The following LAMA2 variants were observed in gnomAD, a reference collection of about 807,000 sequenced individuals.
LAMA2 encodes the protein laminin subunit alpha-2.
LAMA2 carries 269 observed loss-of-function variants against 364.8 expected under a neutral mutation model. The ratio of observed to expected loss-of-function variants is 0.74; its 90% CI spans 0.67 to 0.82. LAMA2 has a LOEUF of 0.82. Among genes scored for constraint, LAMA2 ranks in the 40% least tolerant of loss-of-function variants. The probability of loss-of-function intolerance (pLI) is 0.00; values close to 1 mark genes in which losing one functional copy is unlikely to be tolerated. For missense variants in LAMA2, 3,807 were observed against 3,873.2 expected (o/e 0.98, Z 0.45); for synonymous variants, 1,379 against 1,370.6 (o/e 1.01, Z -0.14).
At chr6:129,412,844 C>G (rs1479990479) in intron 40 of LAMA2, among the ~76,000 whole-genome samples, 1 of 152,212 alleles carries the variant, frequency 6.6e-6, no homozygotes, top group Non-Finnish European at 1.5e-5. Flanking sequence ...TGGACCACGT[C>G]TGGTCTGAGT....
At chr6:129,148,451 T>C (rs1261458368) in intron 6 of LAMA2, among the ~76,000 whole-genome samples, 1 of 152,000 alleles carries the variant, frequency 6.6e-6, no homozygotes, top group Non-Finnish European at 1.5e-5. Context: ...TTTCCCAGGC[T>C]TTAAAAGTCC....
intron 34 of LAMA2, among the ~76,000 whole-genome samples, chr6:129,375,827 A>G (rs534851713): frequency 9.8e-5 from 15 of 152,294 alleles, no homozygotes; most frequent in African/African-American, 3.6e-4. Context: ...ATCTCAAACT[A>G]AACTCATCAT....
intron 3 of LAMA2, among the ~76,000 whole-genome samples, chr6:129,077,750 T>C (rs1773752644): frequency 6.6e-6 from 1 of 152,224 alleles, no homozygotes; most frequent in Non-Finnish European, 1.5e-5. Context: ...ATATTACCTT[T>C]CGATATGTCA....
intron 12 of LAMA2, among the ~76,000 whole-genome samples, chr6:129,233,151 A>C (rs946386885): frequency 6.6e-6 from 1 of 152,180 alleles, no homozygotes; most frequent in African/African-American, 2.4e-5. Context: ...CCCATATTGG[A>C]ATATTCGCCT....
chr6:129,460,391 T>C, intron 49 of LAMA2, 67 bp downstream of exon 49: 1 of 1,458,850 alleles, frequency 6.9e-7, no homozygotes, highest in South Asian at 1.1e-5. Context: ...TTTTATTGCA[T>C]AATATTCTAT....
intron 1 of LAMA2, among the ~76,000 whole-genome samples, chr6:128,933,536 C>T (rs969611288): frequency 9.2e-5 from 14 of 152,142 alleles, no homozygotes; most frequent in African/African-American, 3.1e-4. Context: ...TACATTCCCA[C>T]CAAAAGTGTA....
In LAMA2 at chr6:129,460,297, A is replaced by C; in HGVS notation, c.6965A>C (p.Glu2322Ala). 6.2e-7 allele frequency: 1 copy of C among 1,612,294 alleles called. No individual in the cohort carries two copies. The highest frequency in any genetic ancestry group is 8.5e-7 in the Non-Finnish European group (1 of 1,178,748). ...GGTTTGTGGAATTTCCGAGAAAAAGAAGGTGACTGCAAAGGATGCACTGTC... is the reference window on the plus strand; with the variant it reads ...GGTTTGTGGAATTTCCGAGAAAAAGCAGGTGACTGCAAAGGATGCACTGTC... Reference protein sequence around the residue: ...PIGLWNFREKEGDCKGCTVSP... With the variant: ...PIGLWNFREKAGDCKGCTVSP... Residue 2322 changes from glutamate (E) to alanine (A), a missense_variant, in exon 49 of 65, where the codon GAA becomes GCA. Around this residue, in one of 3 missense-constraint regions of LAMA2, gnomAD observed 3,333 missense variants for 3,345.7 expected, o/e 1.00. Coordinates refer to ENST00000421865, the MANE Select transcript of LAMA2 (RefSeq NM_000426.4).
At chr6:129,322,918 A>G (rs1223549553) in intron 28 of LAMA2, among the ~76,000 whole-genome samples, 2 of 152,234 alleles carry the variant, frequency 1.3e-5, no homozygotes, top group African/African-American at 4.8e-5. Flanking sequence ...AGCACAAATA[A>G]AACAAATGAT....
In LAMA2 at chr6:129,287,871, AC is replaced by A. The variant is rs2114420319; in HGVS notation, c.2565del (p.Ser856LeufsTer32). On this transcript the variant is annotated frameshift_variant, in exon 19 of 65. Transcript: ENST00000421865. LOFTEE classifies it high-confidence loss of function. ...GGTGTGCAGAAGGCTATTTTGGACA[AC>A]CCTCTGTACCTGGAGGATCATGTCA... The part of the protein sequence containing the change: ...ERCAEGYFGQ[P>X]SVPGGSCQPC... 1.9e-6 allele frequency: 3 copies of A among 1,613,782 alleles called. No individual in the cohort carries two copies. Among genetic ancestry groups the A allele is most frequent in the Non-Finnish European group, 2.5e-6 (3 of 1,179,818 alleles).
At chr6:129,245,963 A>C (rs373884267) in intron 12 of LAMA2, among the ~76,000 whole-genome samples, 37 of 152,320 alleles carry the variant, frequency 2.4e-4, no homozygotes, top group Middle Eastern at 3.4e-3. Context: ...TAATTTTTTC[A>C]TAGTGCCTCC....
intron 6 of LAMA2, among the ~76,000 whole-genome samples, 157 bp downstream of exon 6, chr6:129,147,205 G>A (rs1355314025): frequency 1.3e-5 from 2 of 150,710 alleles, no homozygotes; most frequent in East Asian, 3.9e-4. Context: ...AGAGCTGGCA[G>A]TTAGGATGAT....
intron 12 of LAMA2, among the ~76,000 whole-genome samples, chr6:129,203,519 GAC>G (rs1782434954): frequency 6.6e-6 from 1 of 152,226 alleles, no homozygotes. Context: ...ACAGTGTGAA[GAC>G]ACAAGGAGAA....
In LAMA2 at chr6:128,958,807, A is replaced by G. The variant is rs76411440; in HGVS notation, c.112+75450A>G. ...ATTCTTCCATCCCTCCTTCACTCTC[A>G]GAGACATGACTGATCTATCTCAGCT... On this transcript the variant is annotated intron_variant, in intron 1 of 64. Transcript: ENST00000421865. Among the ~76,000 whole-genome samples the G allele has an allele frequency of 3.3e-3, 495 of 152,300 alleles. 2 individuals are homozygous for G. The highest frequency in any genetic ancestry group is 0.011 in the African/African-American group (466 of 41,568).
At chr6:129,356,729 G>A (rs966163507) in intron 32 of LAMA2, among the ~76,000 whole-genome samples, 2 of 151,910 alleles carry the variant, frequency 1.3e-5, no homozygotes, top group Admixed American at 1.3e-4. Context: ...ATTCTACCTC[G>A]ATTAAAAATA....
intron 1 of LAMA2, among the ~76,000 whole-genome samples, chr6:128,893,406 A>C (rs778987628): frequency 1.6e-4 from 24 of 151,856 alleles, no homozygotes; most frequent in African/African-American, 5.3e-4. Flanking sequence ...AATGTTATGT[A>C]TTAATATACA....
intron 1 of LAMA2, among the ~76,000 whole-genome samples, chr6:128,933,836 A>T (rs1434888615): frequency 6.6e-6 from 1 of 152,186 alleles, no homozygotes; most frequent in Non-Finnish European, 1.5e-5. Context: ...TATTTTGAAT[A>T]TTAACTCCTG....
At chr6:129,483,838 G>A (rs1784471735) in intron 55 of LAMA2, among the ~76,000 whole-genome samples, 1 of 152,146 alleles carries the variant, frequency 6.6e-6, no homozygotes, top group African/African-American at 2.4e-5. Context: ...TTGACAATAA[G>A]TGGCATTGCA....
intron 41 of LAMA2, among the ~76,000 whole-genome samples, chr6:129,434,403 C>A (rs901873531): frequency 1.3e-5 from 2 of 152,092 alleles, no homozygotes; most frequent in Non-Finnish European, 2.9e-5. Context: ...GAGAGCCAGA[C>A]TTAAAGACGT....
intron 19 of LAMA2, 29 bp downstream of exon 19, chr6:129,288,087 CA>C (rs757954542): frequency 3.2e-6 from 5 of 1,581,180 alleles, no homozygotes; most frequent in Non-Finnish European, 4.3e-6. Flanking sequence ...ATGCCCCTGA[CA>C]GAATTGATGT....
Sources: allele counts gnomAD v4.1 joint callset (sites outside exome capture counted in the v4.1 genomes callset), GRCh38; gene constraint gnomAD v4.1.1; regional missense constraint gnomAD v4.1.1; transcripts MANE v1.5; gene names NCBI Gene and HGNC (gene_info 2026-07-23, HGNC 2026-07-21).